The following EDARADD variants were observed in gnomAD, a reference collection of about 807,000 sequenced individuals.
EDARADD encodes EDAR associated via death domain, also known as ectodysplasin-A receptor-associated adapter protein.
A neutral mutation model predicts 25.6 loss-of-function variants in EDARADD; 20 were observed. The observed-to-expected ratio is 0.78, with a 90% CI of 0.55 to 1.14. EDARADD has a LOEUF of 1.14. Ranked by LOEUF, EDARADD falls within the 50% of genes most tolerant of loss-of-function variation. The pLI is 0.00. For synonymous variants in EDARADD, 86 were observed against 94.4 expected, an observed-to-expected ratio of 0.91 and a Z score of 0.52; for missense variants, 225 against 270.1, an observed-to-expected ratio of 0.83 and a Z score of 1.17.
intron 3 of EDARADD, among the ~76,000 whole-genome samples, chr1:236,385,086 A>ATTTTTTT (rs1293083838): frequency 3.9e-5 from 3 of 76,544 alleles, no homozygotes; most frequent in African/African-American, 1.7e-4. Flanking sequence ...ATGCCTTTTG[A>ATTTTTTT]TTCTTTTTTT....
At chr1:236,405,879 TTC>T (rs1462031789) in intron 1 of EDARADD, among the ~76,000 whole-genome samples, 2 of 33,532 alleles carry the variant, frequency 6.0e-5, no homozygotes, top group African/African-American at 1.9e-4. Flanking sequence ...CCTTCCTTCT[TTC>T]TTTCTTTCTT....
chr1:236,445,231 A>ATTTTTTTTTT (rs1415805260), intron 4 of EDARADD, among the ~76,000 whole-genome samples: 1 of 47,298 alleles, frequency 2.1e-5, no homozygotes, highest in Non-Finnish European at 6.8e-5. Flanking sequence ...GACATAATAA[A>ATTTTTTTTTT]TTCTTTTTTT....
intron 2 of EDARADD, among the ~76,000 whole-genome samples, chr1:236,410,893 T>G (rs1378045218): frequency 6.6e-6 from 1 of 152,144 alleles, no homozygotes; most frequent in Non-Finnish European, 1.5e-5. Flanking sequence ...CACTGGAAAT[T>G]CCTATGAAAA....
intron 4 of EDARADD, among the ~76,000 whole-genome samples, chr1:236,452,087 G>A (rs1658728285): frequency 6.6e-6 from 1 of 152,186 alleles, no homozygotes; most frequent in Non-Finnish European, 1.5e-5. Context: ...TCTTCCAGTG[G>A]CAGAAAGGTT....
In EDARADD at chr1:236,395,736, C is replaced by T; in HGVS notation, c.61+1231C>T. On this transcript the variant is annotated intron_variant, in intron 1 of 5. Coordinates refer to ENST00000334232, the MANE Select transcript of EDARADD (RefSeq NM_145861.4). This position sits in a 1 kb window ranked among gnomAD's most constrained non-coding sequence, Gnocchi z 6.9. ...GGAGCTCGGGAGGCGCTCGCAGCAG[C>T]CGCAGGGCTATCGAGGCCGGGCCTC... 6.6e-7 allele frequency: 1 copy of T among 1,513,804 alleles called. No individual in the cohort carries two copies. 93.8% of individuals were successfully genotyped at this position (1,513,804 alleles called of 1,614,324 possible).
intron 3 of EDARADD, among the ~76,000 whole-genome samples, chr1:236,389,046 A>G (rs1329028137): frequency 6.6e-6 from 1 of 152,202 alleles, no homozygotes; most frequent in East Asian, 1.9e-4. Flanking sequence ...CTTGGGTTTC[A>G]GGTTTTAATA....
intron 5 of EDARADD, among the ~76,000 whole-genome samples, chr1:236,469,222 C>T (rs1659295157): frequency 6.6e-6 from 1 of 151,974 alleles, no homozygotes; most frequent in African/African-American, 2.4e-5. Context: ...ACCTGTAATC[C>T]CAGGACTTTG....
intron 4 of EDARADD, among the ~76,000 whole-genome samples, chr1:236,458,641 CTTTTT>C (rs5781887): frequency 8.8e-6 from 1 of 113,536 alleles, no homozygotes; most frequent in Non-Finnish European, 1.8e-5. Flanking sequence ...TTTTCTTTTT[CTTTTT>C]TTTTTTTTTT....
intron 3 of EDARADD, among the ~76,000 whole-genome samples, chr1:236,365,678 G>A (rs931196486): frequency 3.4e-5 from 4 of 118,610 alleles, no homozygotes; most frequent in Non-Finnish European, 6.9e-5. Context: ...ATCAAGTTTC[G>A]AAAACTTGTC....
intron 3 of EDARADD, among the ~76,000 whole-genome samples, chr1:236,376,078 GC>G (rs963596739): frequency 1.3e-5 from 2 of 151,568 alleles, no homozygotes; most frequent in African/African-American, 4.8e-5. Flanking sequence ...GGGATTACAG[GC>G]ATGCACCACC....
chr1:236,408,847 G>C (rs1047038040), intron 1 of EDARADD, among the ~76,000 whole-genome samples: 1 of 151,896 alleles, frequency 6.6e-6, no homozygotes, highest in Admixed American at 6.6e-5. Flanking sequence ...TCCGACTCCT[G>C]GGCTCAAGCG....
In EDARADD at chr1:236,484,726, A is replaced by AG; in HGVS notation, c.*2077_*2078insG. The AG allele has an allele frequency of 3.3e-6, 1 of 305,044 alleles. No individual in the cohort carries two copies. Among genetic ancestry groups the AG allele is most frequent in the Non-Finnish European group, 6.3e-6 (1 of 159,222 alleles). The allele number at this position is 305,044 out of a possible 1,614,324, so 18.9% of individuals were successfully genotyped here. A position where few individuals can be genotyped will look rare whatever the true frequency, so the allele number is the denominator to read the frequency against. ...CGTCCCAGAAAAAAAAAAAAAAAAA[A>AG]AGAACTTCTACAGAAGCCAAGCTCC... On this transcript the variant is annotated 3_prime_UTR_variant, in exon 6 of 6. Transcript: ENST00000334232. The surrounding 1 kb of genome is among the most constrained non-coding windows in gnomAD (Gnocchi z 4.1).
intron 3 of EDARADD, among the ~76,000 whole-genome samples, chr1:236,377,714 T>C (rs1339008405): frequency 2.6e-5 from 4 of 151,286 alleles, no homozygotes; most frequent in Non-Finnish European, 4.4e-5. Flanking sequence ...AAAAATTAGC[T>C]GGGCATGGTG....
intron 1 of EDARADD, among the ~76,000 whole-genome samples, chr1:236,401,053 C>T (rs1276558117): frequency 6.6e-6 from 1 of 151,866 alleles, no homozygotes; most frequent in Non-Finnish European, 1.5e-5. Flanking sequence ...CAAAAATTAG[C>T]TGGGCACCTG....
intron 3 of EDARADD, among the ~76,000 whole-genome samples, chr1:236,361,496 A>C (rs1348946260): frequency 6.6e-6 from 1 of 151,414 alleles, no homozygotes; most frequent in Non-Finnish European, 1.5e-5. Flanking sequence ...CACCCAGCTA[A>C]TTTTTGTATT....
At chr1:236,353,354 T>C (rs543728319) in intron 3 of EDARADD, among the ~76,000 whole-genome samples, 1 of 152,260 alleles carries the variant, frequency 6.6e-6, no homozygotes, top group East Asian at 1.9e-4. Flanking sequence ...CCACTGTGCA[T>C]GAGGTGACTG....
chr1:236,363,006 A>AAAATATATATATATATAT (rs1377112051), intron 3 of EDARADD, among the ~76,000 whole-genome samples: 2 of 42,944 alleles, frequency 4.7e-5, no homozygotes, highest in African/African-American at 2.2e-4. Context: ...AAAAAAAAAA[A>AAAATATATATATATATAT]ATATATATAT....
At chr1:236,481,274 C>G (rs1659663379) in intron 5 of EDARADD, among the ~76,000 whole-genome samples, 1 of 152,112 alleles carries the variant, frequency 6.6e-6, no homozygotes, top group Non-Finnish European at 1.5e-5. Flanking sequence ...GGCTGAGGTG[C>G]ATGCAAGTGT....
chr1:236,452,512 CTCTT>C (rs978022934), intron 4 of EDARADD, among the ~76,000 whole-genome samples: 3 of 151,676 alleles, frequency 2.0e-5, no homozygotes, highest in Admixed American at 6.6e-5. Flanking sequence ...CTCTCTCTCT[CTCTT>C]TCTTACTGCC....
Sources: gnomAD v4.1 joint callset for allele counts (sites outside exome capture counted in the v4.1 genomes callset) on GRCh38, gnomAD v4.1.1 for gene constraint, Gnocchi (gnomAD v3.1) non-coding constraint, MANE v1.5 for transcripts, NCBI Gene and HGNC (gene_info 2026-07-23, HGNC 2026-07-21) for gene names.